Variants in MYO15A observed in about 807,000 individuals in gnomAD.
The protein encoded by MYO15A is myosin XVA, also known as unconventional myosin-XV.
A neutral mutation model predicts 394.6 loss-of-function variants in MYO15A; 308 were observed. The observed-to-expected ratio is 0.78, with a 90% confidence interval of 0.71 to 0.86. The LOEUF is 0.86. MYO15A is among the 40% of genes least tolerant of loss of function. The pLI is 0.00. For synonymous variants in MYO15A, 1,957 were observed against 2,003.8 expected (o/e 0.98, Z 0.62); for missense variants, 4,606 against 4,799.1 (o/e 0.96, Z 1.19).
intron 17 of MYO15A, 99 bp from the exon 18 acceptor site, chr17:18,138,712 G>T: frequency 6.7e-7 from 1 of 1,497,026 alleles, no homozygotes. Context: ...CCTCTCTGGT[G>T]CTCAGTTGGG....
chr17:18,172,709 A>G (rs983156279), intron 64 of MYO15A: 12 of 343,230 alleles, frequency 3.5e-5, no homozygotes, highest in African/African-American at 2.4e-4. Context: ...GTGTCCTCAC[A>G]TGGCCTTTCC....
chr17:18,155,251 C>A, intron 46 of MYO15A, 26 bp downstream of exon 46: 1 of 1,613,718 alleles, frequency 6.2e-7, no homozygotes, highest in Non-Finnish European at 8.5e-7. Context: ...TTGCCCCCTA[C>A]CTGTCCAGAG....
At chr17:18,165,311 A>C (rs2046837580) in intron 60 of MYO15A, among the ~76,000 whole-genome samples, 1 of 152,202 alleles carries the variant, frequency 6.6e-6, no homozygotes, top group Admixed American at 6.5e-5. Flanking sequence ...GAAAGTCAGA[A>C]GTTCTAAAAT....
chr17:18,143,502 C>A, intron 25 of MYO15A, 64 bp from the exon 26 acceptor site: 1 of 1,541,444 alleles, frequency 6.5e-7, no homozygotes, highest in Non-Finnish European at 8.8e-7. Context: ...CTGGCCTGGC[C>A]TGCCTGGGTG....
intron 19 of MYO15A, 131 bp downstream of exon 19, chr17:18,139,742 G>A: frequency 2.7e-6 from 3 of 1,105,542 alleles, no homozygotes; most frequent in Non-Finnish European, 4.0e-6. Context: ...ACAAAGACAA[G>A]GGTGGCCTGG....
In MYO15A at chr17:18,132,382, G is replaced by A; in HGVS notation, c.4207-71G>A. 1 of 1,228,596 alleles carries A rather than the reference G, an allele frequency of 8.1e-7. No individual in the cohort carries two copies. 76.1% of individuals were successfully genotyped at this position (1,228,596 alleles called of 1,614,324 possible). On this transcript the variant is annotated intron_variant, in intron 10 of 65. Transcript: ENST00000647165. This position sits in a 1 kb window ranked among gnomAD's most constrained non-coding sequence, Gnocchi z 4.6. ...CATGTGCACTTGTGGGCAGGCTTGGGCTTGTATGTGTGCCTGGGGGTCACC... is the reference window on the plus strand; with the variant it reads ...CATGTGCACTTGTGGGCAGGCTTGGACTTGTATGTGTGCCTGGGGGTCACC...
At chr17:18,115,258 C>T (rs770127944) in intron 1 of MYO15A, among the ~76,000 whole-genome samples, 8 of 152,200 alleles carry the variant, frequency 5.3e-5, no homozygotes, top group Non-Finnish European at 1.2e-4. Flanking sequence ...AGCTTCCATG[C>T]TGGCCTCCCT....
rs1241063203 is a variant in MYO15A, at chr17:18,151,247, G to T, written c.7611G>T (p.Val2537=). ...CTCCAAGGCTCCCCATCAAGCCTGT[G>T]GCTGCCCCTGTTCTAGCTCAGGATC... ...AKAPRLPIKP[V]AAPVLAQDQA... Residue 2537 remains valine (V), a synonymous_variant, in exon 39 of 66, where the codon GTG becomes GTT. Transcript: ENST00000647165. 1 of 1,614,116 alleles carries T rather than the reference G, an allele frequency of 6.2e-7. No homozygotes were observed. The highest frequency in any genetic ancestry group is 8.5e-7 in the Non-Finnish European group (1 of 1,180,016).
chr17:18,157,920 G>A lies in MYO15A; in HGVS notation c.8967+20G>A. On this transcript the variant is annotated intron_variant, in intron 51 of 65. Transcript: ENST00000647165. ...AGAGAGGTGAGACCAGTGTGGGTGG[G>A]GTGGGGCGGGGTAGACCAGGGGGAA... The A allele has an allele frequency of 6.9e-7, 1 of 1,452,066 alleles. No individual in the cohort carries two copies. Among genetic ancestry groups the A allele is most frequent in the South Asian group, 1.4e-5 (1 of 71,652 alleles). The allele number at this position is 1,452,066 out of a possible 1,614,324, so 89.9% of individuals were successfully genotyped here.
intron 64 of MYO15A, chr17:18,172,582 G>A: frequency 2.1e-6 from 1 of 476,512 alleles, no homozygotes; most frequent in Non-Finnish European, 3.9e-6. Flanking sequence ...AAAGACCACA[G>A]ACTGAGTAAC....
At chr17:18,133,438 G>A (rs375414297) in intron 12 of MYO15A, 52 bp downstream of exon 12, 76 of 1,601,470 alleles carry the variant, frequency 4.7e-5, no homozygotes, top group Non-Finnish European at 5.3e-5. Context: ...GGACTTGGCC[G>A]TCTTTTCCAA....
chr17:18,126,989 T>G, intron 6 of MYO15A, 86 bp from the exon 7 acceptor site: 1 of 1,598,824 alleles, frequency 6.3e-7, no homozygotes, highest in Non-Finnish European at 8.6e-7. Context: ...CCACCGTACA[T>G]ATCCTCTTGC....
At chr17:18,165,471 C>T (rs2046840198) in intron 60 of MYO15A, among the ~76,000 whole-genome samples, 2 of 152,186 alleles carry the variant, frequency 1.3e-5, no homozygotes, top group Admixed American at 6.5e-5. Context: ...CCTCATATCT[C>T]TCTCCCTGCC....
At chr17:18,161,103 A>G (rs2046767981) in intron 56 of MYO15A, 2 of 706,906 alleles carry the variant, frequency 2.8e-6, no homozygotes, top group East Asian at 2.7e-5. Context: ...CTACCTGGGG[A>G]AGATGTCTGG....
intron 10 of MYO15A, among the ~76,000 whole-genome samples, chr17:18,131,920 G>T (rs2046175287): frequency 6.6e-6 from 1 of 152,106 alleles, no homozygotes; most frequent in Non-Finnish European, 1.5e-5. Context: ...CCCGTCCACT[G>T]CTTTATTTCT....
chr17:18,146,903 G>A (rs1287748008), intron 30 of MYO15A, among the ~76,000 whole-genome samples: 1 of 152,160 alleles, frequency 6.6e-6, no homozygotes, highest in East Asian at 1.9e-4. Context: ...TTCAGCCTGG[G>A]CAACAGAGCA....
rs769189017 is a variant in MYO15A at position 18,135,789 on chromosome 17, G to C, written c.4561G>C (p.Glu1521Gln). 67 of 1,614,000 alleles carry C rather than the reference G, an allele frequency of 4.2e-5. No homozygotes were observed. In the Admixed American group the frequency reaches 1.1e-3, roughly 26 times the overall value. The change falls in exon 13 of 66, where the codon GAG becomes CAG. Residue 1521 changes from glutamate (E) to glutamine (Q), a missense_variant. Glu to Gln is a conservative substitution (Grantham distance 29, BLOSUM62 2). Coordinates refer to ENST00000647165, the MANE Select transcript of MYO15A (RefSeq NM_016239.4). ...AVAELLQISP[E>Q]GLQKAITFKV... ...GGCAGAGCTGCTGCAGATCTCCCCT[G>C]AGGGCCTGCAGAAGGCCATCACCTT...
intron 53 of MYO15A, 42 bp from the exon 54 acceptor site, chr17:18,159,233 C>A: frequency 1.2e-6 from 2 of 1,602,418 alleles, no homozygotes; most frequent in Non-Finnish European, 1.7e-6. Flanking sequence ...TCTGTTCTGA[C>A]GTGTCCCTCC....
intron 1 of MYO15A, among the ~76,000 whole-genome samples, chr17:18,116,362 G>A (rs1026548160): frequency 2.0e-5 from 3 of 152,270 alleles, no homozygotes; most frequent in Non-Finnish European, 2.9e-5. Flanking sequence ...GGAGCTCAGC[G>A]GGCAGGAGGG....
Sources: allele counts gnomAD v4.1 joint callset (sites outside exome capture counted in the v4.1 genomes callset), GRCh38; gene constraint gnomAD v4.1.1; non-coding constraint Gnocchi (gnomAD v3.1); transcripts MANE v1.5; gene names NCBI Gene and HGNC (gene_info 2026-07-23, HGNC 2026-07-21).